The following BTBD8 variants were observed in gnomAD, a reference collection of about 807,000 sequenced individuals.
The protein encoded by BTBD8 is BTB domain containing 8, also known as BTB/POZ domain-containing protein 8.
Under a neutral mutation model 162.9 loss-of-function variants are expected in BTBD8, and 110 were observed. The ratio of observed to expected loss-of-function variants is 0.68; its 90% CI spans 0.58 to 0.79. BTBD8 has a LOEUF of 0.79. BTBD8 is among the 30% of genes least tolerant of loss of function. The pLI is 0.00. For synonymous variants in BTBD8, 667 were observed against 716.1 expected (o/e 0.93, Z 1.10); for missense variants, 1,905 against 2,085.4 (o/e 0.91, Z 1.68).
chr1:92,081,407 A>G (rs1357277995), intron 1 of BTBD8, among the ~76,000 whole-genome samples: 1 of 152,228 alleles, frequency 6.6e-6, no homozygotes, highest in Non-Finnish European at 1.5e-5. Context: ...AATATGACCT[A>G]GCTAATTTAC....
At chr1:92,148,580 A>C (rs1280527525) in intron 9 of BTBD8, among the ~76,000 whole-genome samples, 3 of 152,136 alleles carry the variant, frequency 2.0e-5, no homozygotes, top group East Asian at 3.8e-4. Flanking sequence ...GATTTATGCT[A>C]TTTCTCCTCT....
chr1:92,126,379 AGCCTAGATTTGAATGT>A (rs778682489), intron 4 of BTBD8: 1 of 681,836 alleles, frequency 1.5e-6, no homozygotes, highest in Non-Finnish European at 2.6e-6. Context: ...AAGCTGGACC[AGCCTAGATTTGAATGT>A]GCTCTTGCCC....
chr1:92,184,686 A>ACC lies in BTBD8; in HGVS notation c.*356_*357insCC, dbSNP rs998276627. The stretch of plus-strand genomic sequence containing the variant: ...CTTTTTGCTCTGCATAGGGTAACAT[A>ACC]GTAATTTAACAATAAAAACTTACCG... On this transcript the variant is annotated 3_prime_UTR_variant, in exon 18 of 18. Coordinates refer to ENST00000636805, the MANE Select transcript of BTBD8 (RefSeq NM_001376131.1). The ACC allele has an allele frequency of 6.2e-6, 1 of 161,464 alleles. No homozygotes were observed. The highest frequency in any genetic ancestry group is 2.4e-5 in the African/African-American group (1 of 41,626). 10.0% of individuals were successfully genotyped at this position (161,464 alleles called of 1,614,324 possible).
chr1:92,140,327 A>G (rs61781614), intron 6 of BTBD8, among the ~76,000 whole-genome samples: 1 of 152,120 alleles, frequency 6.6e-6, no homozygotes, highest in Non-Finnish European at 1.5e-5. Flanking sequence ...AATGCGCTAT[A>G]GTGAAATACC....
At chr1:92,170,263 G>C (rs926020442) in intron 12 of BTBD8, among the ~76,000 whole-genome samples, 1 of 151,972 alleles carries the variant, frequency 6.6e-6, no homozygotes, top group Non-Finnish European at 1.5e-5. Flanking sequence ...AGGACTTTTC[G>C]TTCTGTTACA....
At chr1:92,114,990 G>C in intron 4 of BTBD8, 1 of 287,952 alleles carries the variant, frequency 3.5e-6, no homozygotes, top group South Asian at 3.5e-5. Flanking sequence ...TGTAGCCCCA[G>C]ATGCCCTTGA....
chr1:92,117,207 T>A (rs1649066273), intron 4 of BTBD8, among the ~76,000 whole-genome samples: 1 of 151,952 alleles, frequency 6.6e-6, no homozygotes, highest in Non-Finnish European at 1.5e-5. Context: ...TCTGATAATA[T>A]TGACTGATTT....
intron 5 of BTBD8, among the ~76,000 whole-genome samples, chr1:92,135,537 A>G (rs1649614378): frequency 6.6e-6 from 1 of 152,176 alleles, no homozygotes; most frequent in African/African-American, 2.4e-5. Flanking sequence ...TTACATTTTA[A>G]TGGGAATAGT....
chr1:92,166,424 C>CTTTTTTTTTTTTTTTT (rs35849731), intron 9 of BTBD8, among the ~76,000 whole-genome samples: 4 of 120,414 alleles, frequency 3.3e-5, no homozygotes, highest in Non-Finnish European at 6.7e-5. Flanking sequence ...TCTTTTCTTT[C>CTTTTTTTTTTTTTTTT]TTTTTTTTTT....
Position 92,168,017 on chromosome 1 carries a change from T to A in BTBD8, c.1443+32T>A, listed in dbSNP as rs113966725. 1,521 of 1,496,802 alleles carry A rather than the reference T, an allele frequency of 1.0e-3. 7 individuals are homozygous for A. In the African/African-American group the frequency reaches 0.019, roughly 19 times the overall value. The allele number at this position is 1,496,802 out of a possible 1,614,324, so 92.7% of individuals were successfully genotyped here. ...AATGTAATGAAATTTATTAAAATAA[T>A]GCAATATTTGAACTAAGATTTTTAG... On this transcript the variant is annotated intron_variant, in intron 11 of 17. Transcript: ENST00000636805.
intron 4 of BTBD8, among the ~76,000 whole-genome samples, chr1:92,121,461 A>T (rs1001367669): frequency 1.3e-5 from 2 of 152,108 alleles, no homozygotes; most frequent in East Asian, 3.9e-4. Flanking sequence ...GATTTTTTTT[A>T]AAACTTATGT....
intron 4 of BTBD8, among the ~76,000 whole-genome samples, chr1:92,123,296 T>A (rs1308064698): frequency 6.6e-6 from 1 of 152,226 alleles, no homozygotes; most frequent in Non-Finnish European, 1.5e-5. Flanking sequence ...TTTTCCACCT[T>A]TATTCTTCTG....
Position 92,096,871 on chromosome 1 carries a change from C to G in BTBD8, c.348-5602C>G, listed in dbSNP as rs561391843. 7.6e-4 allele frequency among the ~76,000 whole-genome samples: 115 copies of G among 152,194 alleles called. 3 individuals are homozygous for G. The South Asian group carries it at 0.023, about 31-fold the overall frequency. Reference sequence around the variant, plus strand: ...ATATTTCCCTAGTCCTATTTGAGTTCCCACTTTCTTGGAGTATTATTTTAT... The same window carrying G: ...ATATTTCCCTAGTCCTATTTGAGTTGCCACTTTCTTGGAGTATTATTTTAT... On this transcript the variant is annotated intron_variant, in intron 2 of 17. Transcript: ENST00000636805.
intron 7 of BTBD8, among the ~76,000 whole-genome samples, chr1:92,142,105 A>T (rs867061348): frequency 6.6e-6 from 1 of 152,198 alleles, no homozygotes; most frequent in African/African-American, 2.4e-5. Context: ...CCAACCCCAT[A>T]AGGTTTACTG....
At chr1:92,113,677 C>T (rs912888549) in intron 4 of BTBD8, among the ~76,000 whole-genome samples, 2 of 150,530 alleles carry the variant, frequency 1.3e-5, no homozygotes, top group Non-Finnish European at 2.9e-5. Context: ...AATAAATTTC[C>T]GAGTGCTGTA....
At chr1:92,134,613 A>G (rs1001290508) in intron 5 of BTBD8, among the ~76,000 whole-genome samples, 1 of 152,174 alleles carries the variant, frequency 6.6e-6, no homozygotes, top group Non-Finnish European at 1.5e-5. Flanking sequence ...ACTCTCTCTT[A>G]TATAATCCTA....
intron 9 of BTBD8, among the ~76,000 whole-genome samples, chr1:92,161,428 C>G (rs1434981157): frequency 1.3e-5 from 2 of 152,176 alleles, no homozygotes; most frequent in Admixed American, 1.3e-4. Context: ...GTGTGAGGAA[C>G]TTTAAATTTT....
intron 9 of BTBD8, among the ~76,000 whole-genome samples, chr1:92,164,537 T>C (rs1570752265): frequency 6.6e-6 from 1 of 151,960 alleles, no homozygotes; most frequent in South Asian, 2.1e-4. Context: ...AAAAATTGCT[T>C]GAACTGGGGA....
rs1003932940 is a variant in BTBD8, at chr1:92,166,672, G to A, written c.1123-286G>A. Among the ~76,000 whole-genome samples, 61 of 151,820 alleles carry A rather than the reference G, an allele frequency of 4.0e-4. 1 individual carries two copies. The highest frequency in any genetic ancestry group is 3.7e-3 in the Admixed American group (56 of 15,232). On this transcript the variant is annotated intron_variant, in intron 9 of 17. Coordinates refer to ENST00000636805, the MANE Select transcript of BTBD8 (RefSeq NM_001376131.1). ...ACTCCTAACCTCAAGTGATCCACCC[G>A]CCTCAGCCTCCCAAAGTACTGGGAT... is the stretch of plus-strand genomic sequence containing the variant.
Sources: gnomAD v4.1 joint callset for allele counts (sites outside exome capture counted in the v4.1 genomes callset) on GRCh38, gnomAD v4.1.1 for gene constraint, MANE v1.5 for transcripts, NCBI Gene and HGNC (gene_info 2026-07-23, HGNC 2026-07-21) for gene names.